The following TNR variants were observed in gnomAD, a reference collection of about 807,000 sequenced individuals.
The protein encoded by TNR is tenascin-R.
A neutral mutation model predicts 150.4 loss-of-function variants in TNR; 45 were observed. The observed-to-expected ratio is 0.30, with a 90% CI of 0.24 to 0.38. The LOEUF (loss-of-function observed/expected upper bound fraction) is 0.38. TNR is among the 10% of genes least tolerant of loss of function. The pLI, the probability that TNR is intolerant of heterozygous loss-of-function variation, is 1.00. For missense variants in TNR, 1,544 were observed against 1,759.1 expected, an observed-to-expected ratio of 0.88 and a Z score of 2.19; for synonymous variants, 687 against 678.4, an observed-to-expected ratio of 1.01 and a Z score of -0.20.
At chr1:175,583,955 A>G (rs1344575258) in intron 1 of TNR, among the ~76,000 whole-genome samples, 1 of 152,244 alleles carries the variant, frequency 6.6e-6, no homozygotes, top group African/African-American at 2.4e-5. Context: ...AGGGAAGCCA[A>G]GGAGTGTGGG....
chr1:175,431,508 T>G (rs1471310549), intron 2 of TNR, among the ~76,000 whole-genome samples: 1 of 152,186 alleles, frequency 6.6e-6, no homozygotes, highest in Non-Finnish European at 1.5e-5. Flanking sequence ...CTTCTCTCCC[T>G]TCTATGGGGG....
At chr1:175,404,271 G>A (rs1223454351) in intron 3 of TNR, among the ~76,000 whole-genome samples, 1 of 152,166 alleles carries the variant, frequency 6.6e-6, no homozygotes, top group Admixed American at 6.5e-5. Context: ...CCACTGTGCA[G>A]AGAAAGGTCT....
intron 2 of TNR, among the ~76,000 whole-genome samples, chr1:175,507,965 A>G (rs1659025686): frequency 6.6e-6 from 1 of 152,234 alleles, no homozygotes; most frequent in African/African-American, 2.4e-5. Context: ...TATAGGAATA[A>G]CCAACTATGG....
intron 2 of TNR, among the ~76,000 whole-genome samples, chr1:175,447,949 A>G (rs1451715452): frequency 6.6e-6 from 1 of 152,230 alleles, no homozygotes; most frequent in Admixed American, 6.5e-5. Flanking sequence ...GCATGTAGAA[A>G]GGGCTCAATA....
intron 1 of TNR, among the ~76,000 whole-genome samples, chr1:175,594,837 A>G (rs2101841217): frequency 6.6e-6 from 1 of 150,478 alleles, no homozygotes; most frequent in Admixed American, 6.6e-5. Context: ...AGCCTGGGCA[A>G]CAGAGTGAGA....
chr1:175,484,008 G>A (rs1485261472), intron 2 of TNR, among the ~76,000 whole-genome samples: 3 of 152,160 alleles, frequency 2.0e-5, no homozygotes, highest in Non-Finnish European at 4.4e-5. Context: ...TGCCCCCGCT[G>A]CACTGTGAGC....
chr1:175,359,753 G>A, intron 14 of TNR, 22 bp from the exon 15 acceptor site: 2 of 1,592,080 alleles, frequency 1.3e-6, no homozygotes, highest in African/African-American at 1.3e-5. Context: ...TAGATTATCA[G>A]TTACAGATAA....
intron 1 of TNR, among the ~76,000 whole-genome samples, chr1:175,535,826 G>C (rs1187302321): frequency 1.3e-5 from 2 of 152,034 alleles, no homozygotes; most frequent in African/African-American, 4.8e-5. Context: ...TTCACAGAGG[G>C]TCCATGAACT....
chr1:175,391,466 A>G, intron 6 of TNR, 28 bp from the exon 7 acceptor site: 1 of 1,606,532 alleles, frequency 6.2e-7, no homozygotes, highest in Non-Finnish European at 8.5e-7. Context: ...GCAGAGAGCA[A>G]AAGAGAAAAG....
chr1:175,387,451 T>C (rs534940922), intron 7 of TNR, among the ~76,000 whole-genome samples: 10 of 152,226 alleles, frequency 6.6e-5, no homozygotes, highest in Admixed American at 3.3e-4. Flanking sequence ...GATACTGATA[T>C]AGAAAACATT....
At chr1:175,495,542 T>C (rs996411188) in intron 2 of TNR, among the ~76,000 whole-genome samples, 1 of 152,212 alleles carries the variant, frequency 6.6e-6, no homozygotes, top group African/African-American at 2.4e-5. Flanking sequence ...ACCAAATTAC[T>C]GAGATCTTCT....
At chr1:175,635,601 G>T (rs57790009) in intron 1 of TNR, among the ~76,000 whole-genome samples, 3,270 of 152,258 alleles carry the variant, frequency 0.021, 101 homozygotes, top group African/African-American at 0.072. Flanking sequence ...GTTGCACCAA[G>T]ACAGATGGAA....
At chr1:175,503,851 C>T (rs1571532499) in intron 2 of TNR, among the ~76,000 whole-genome samples, 1 of 152,240 alleles carries the variant, frequency 6.6e-6, no homozygotes, top group East Asian at 1.9e-4. Context: ...GCAATGCCTT[C>T]CTTTTGAGGT....
intron 1 of TNR, among the ~76,000 whole-genome samples, chr1:175,640,808 TATG>T (rs1264241738): frequency 6.6e-6 from 1 of 151,826 alleles, no homozygotes; most frequent in Non-Finnish European, 1.5e-5. Context: ...TATATATATA[TATG>T]ATAATAAGCC....
At position 175,362,769 on chromosome 1, in the gene TNR, T is replaced by C. The variant is rs1312557973; in HGVS notation, c.2748A>G (p.Thr916=). 6.2e-7 allele frequency: 1 copy of C among 1,614,168 alleles called. No homozygotes were observed. The highest frequency in any genetic ancestry group is 8.5e-7 in the Non-Finnish European group (1 of 1,180,004). Residue 916 remains threonine, a synonymous_variant, in exon 14 of 23, where the codon ACA becomes ACG. Coordinates refer to ENST00000367674, the MANE Select transcript of TNR (RefSeq NM_003285.3). The stretch of plus-strand genomic sequence containing the variant: ...GGTTCAGTCTGGTGATGGTGAATTC[T>C]GTCACAGTGTTGGGCACCACTGAGC... ...LDSSVVPNTV[T]EFTITRLNPA... is the part of the protein sequence containing the mutation.
chr1:175,517,531 T>C (rs77443089), intron 2 of TNR, among the ~76,000 whole-genome samples: 2,445 of 152,296 alleles, frequency 0.016, 23 homozygotes, highest in Non-Finnish European at 0.025. Flanking sequence ...ATTTAGGCAG[T>C]TGAAAAAATG....
chr1:175,427,352 TA>T (rs1655038148), intron 2 of TNR, among the ~76,000 whole-genome samples: 1 of 152,166 alleles, frequency 6.6e-6, no homozygotes, highest in Non-Finnish European at 1.5e-5. Flanking sequence ...ATATATTTCA[TA>T]TAGCAAAAAA....
At chr1:175,623,658 G>A (rs1664050860) in intron 1 of TNR, among the ~76,000 whole-genome samples, 1 of 152,186 alleles carries the variant, frequency 6.6e-6, no homozygotes, top group Non-Finnish European at 1.5e-5. Flanking sequence ...CGATATCCAC[G>A]TGCCACTCAC....
intron 1 of TNR, among the ~76,000 whole-genome samples, chr1:175,603,124 G>A (rs1663302600): frequency 6.6e-6 from 1 of 152,182 alleles, no homozygotes; most frequent in Admixed American, 6.5e-5. Flanking sequence ...TTAGTGTGGT[G>A]GGTAACAAAA....
Sources: gnomAD v4.1 joint callset for allele counts (sites outside exome capture counted in the v4.1 genomes callset) on GRCh38, gnomAD v4.1.1 for gene constraint, MANE v1.5 for transcripts, NCBI Gene and HGNC (gene_info 2026-07-23, HGNC 2026-07-21) for gene names.